RIN1: variants seen among roughly 807,000 people sequenced by gnomAD.
The protein encoded by RIN1 is ras inhibitor 1.
Under a neutral mutation model 64.9 loss-of-function variants are expected in RIN1, and 52 were observed. That is an observed-to-expected ratio of 0.80 (90% confidence interval 0.64 to 1.01). The LOEUF is 1.01. Ranked by LOEUF, RIN1 falls within the 50% of genes least tolerant of loss-of-function variation. The probability of loss-of-function intolerance (pLI) is 0.00; values close to 1 mark genes in which losing one functional copy is unlikely to be tolerated. For missense variants in RIN1, 1,040 were observed against 1,064.5 expected (o/e 0.98, Z 0.32); for synonymous variants, 486 against 483.6 (o/e 1.00, Z -0.06).
At chr11:66,334,279 G>T in intron 6 of RIN1, 55 bp from the exon 7 acceptor site, 1 of 1,354,796 alleles carries the variant, frequency 7.4e-7, no homozygotes, top group Non-Finnish European at 9.8e-7. Flanking sequence ...GGGGGCAGAG[G>T]CAAGGGGAGA....
At position 66,332,543 on chromosome 11, in the gene RIN1, G is replaced by A. The variant is rs1854761520; in HGVS notation, c.2085C>T (p.Thr695=). 5.0e-6 allele frequency: 8 copies of A among 1,613,340 alleles called. No homozygotes were observed. The East Asian group carries it at 1.6e-4, about 31-fold the overall frequency. The change falls in exon 10 of 10, where the codon ACC becomes ACT. Residue 695 remains threonine (T), a synonymous_variant. Transcript: ENST00000311320. ...CCCGGCGGTAGACGAGGTAGCCAGT[G>A]GTGGGCAGCCTGTGGGCCAGGGCCC... ...PPGALAHRLP[T]TGYLVYRRAE...
At position 66,336,119 on chromosome 11, in the gene RIN1, G is replaced by A. The variant is rs1198166166; in HGVS notation, c.126C>T (p.Ser42=). 26 of 1,440,838 alleles carry A rather than the reference G, an allele frequency of 1.8e-5. No individual in the cohort carries two copies. The highest frequency in any genetic ancestry group is 4.9e-4 in the Middle Eastern group (2 of 4,100). 89.3% of individuals were successfully genotyped at this position (1,440,838 alleles called of 1,614,324 possible). A position where few individuals can be genotyped will look rare whatever the true frequency, so the allele number is the denominator to read the frequency against. The change falls in exon 2 of 10, where the codon AGC becomes AGT. Residue 42 remains serine (S), a synonymous_variant. Coordinates refer to ENST00000311320, the MANE Select transcript of RIN1 (RefSeq NM_004292.3). ...QDPLYDVPNA[S]GGQAGGPQRP... ...GCTGCGGCCCGCCTGCCTGCCCGCC[G>A]CTGGCATTGGGCACGTCATACAGTG...
intron 4 of RIN1, 29 bp from the exon 5 acceptor site, chr11:66,335,527 G>A (rs1565202149): frequency 2.5e-6 from 4 of 1,613,078 alleles, no homozygotes; most frequent in East Asian, 2.2e-5. Flanking sequence ...GCAGAAGGGA[G>A]TGAGGGCCGA....
In RIN1 at chr11:66,332,176, G is replaced by T; in HGVS notation, c.*100C>A. ...CAAGTATCAGACAAAGGTGGTGGCA[G>T]ACACAGGACAGGGCCCTGGGTGGGG... On this transcript the variant is annotated 3_prime_UTR_variant, in exon 10 of 10. Coordinates refer to ENST00000311320, the MANE Select transcript of RIN1 (RefSeq NM_004292.3). 1 of 1,062,224 alleles carries T rather than the reference G, an allele frequency of 9.4e-7. No homozygotes were observed. Among genetic ancestry groups the T allele is most frequent in the South Asian group, 1.3e-5 (1 of 74,378 alleles). The allele number at this position is 1,062,224 out of a possible 1,614,324, so 65.8% of individuals were successfully genotyped here.
chr11:66,332,694 G>A lies in RIN1; in HGVS notation c.1934C>T (p.Ala645Val). 2 of 1,550,346 alleles carry A rather than the reference G, an allele frequency of 1.3e-6. No homozygotes were observed. Among genetic ancestry groups the A allele is most frequent in the South Asian group, 2.5e-5 (2 of 79,722 alleles). ...PSSGCTSKTL[A>V]VPPEASIATL... ...GGCAATCGAGGCTTCTGGGGGCACG[G>A]CCAGGGTCTTGGAGGTGCAGCCACT... The change falls in exon 10 of 10, where the codon GCC (alanine) becomes GTC (valine). Residue 645 changes from alanine (A) to valine (V), a missense_variant. Ala to Val is a moderately conservative substitution (Grantham distance 64). Transcript: ENST00000311320.
At position 66,334,130 on chromosome 11, in the gene RIN1, G is replaced by A; in HGVS notation, c.1380C>T (p.Gly460=). The A allele has an allele frequency of 1.3e-6, 2 of 1,544,730 alleles. No individual in the cohort carries two copies. The highest frequency in any genetic ancestry group is 1.7e-6 in the Non-Finnish European group (2 of 1,146,980). The change falls in exon 7 of 10, where the codon GGC becomes GGT. Residue 460 remains glycine, a synonymous_variant. Transcript: ENST00000311320. ...GGCCCTCAGCTAGGCGGCCCAGGGA[G>A]CCGTCTGCGGCAAGCCGGCGCCGCA... is the stretch of plus-strand genomic sequence containing the variant. ...ARLRRRLAAD[G]SLGRLAEGLR... is the part of the protein sequence containing the mutation.
chr11:66,334,443 G>A lies in RIN1; in HGVS notation c.1285+71C>T, dbSNP rs555975589. ...TAAAGCAGCAGAACAGAATCAGACAGGCTGGCGCTGTGGAGGGGAGCAGAG... is the reference window on the plus strand; with the variant it reads ...TAAAGCAGCAGAACAGAATCAGACAAGCTGGCGCTGTGGAGGGGAGCAGAG... On this transcript the variant is annotated intron_variant, in intron 6 of 9. Coordinates refer to ENST00000311320, the MANE Select transcript of RIN1 (RefSeq NM_004292.3). 6.7e-5 allele frequency: 104 copies of A among 1,550,890 alleles called. No homozygotes were observed. The South Asian group carries it at 1.2e-3, about 18-fold the overall frequency.
chr11:66,335,931 C>T (rs763596488), intron 2 of RIN1, 47 bp downstream of exon 2: 58 of 1,495,288 alleles, frequency 3.9e-5, no homozygotes, highest in Non-Finnish European at 4.8e-5. Flanking sequence ...ATCCCTCTCC[C>T]TCCCACCCCT....
rs1051115971 is a variant in RIN1, at chr11:66,332,905, C to T, written c.1876-153G>A. ...CCAAGCGGCAAAAGCTCTATGTGCT[C>T]CAGGGGTCGGCTTGTGGGCCACAGC... On this transcript the variant is annotated intron_variant, in intron 9 of 9. Transcript: ENST00000311320. 2.3e-5 allele frequency: 15 copies of T among 664,470 alleles called. No individual in the cohort carries two copies. In the African/African-American group the frequency reaches 2.5e-4, roughly 11 times the overall value. The allele number at this position is 664,470 out of a possible 1,614,324, so 41.2% of individuals were successfully genotyped here.
chr11:66,334,992 C>CACGGGG lies in RIN1; in HGVS notation c.801_806dup (p.Pro268_Val269dup), dbSNP rs1565201560. ...TCTGGCTGGGGACTGCCCCTGGCAG[C>CACGGGG]ACGGGGACGGGGGGAGGTGGCACGG... On this transcript the variant is annotated inframe_insertion, in exon 6 of 10. Transcript: ENST00000311320. 3 of 1,550,806 alleles carry CACGGGG rather than the reference C, an allele frequency of 1.9e-6. No individual in the cohort carries two copies. The highest frequency in any genetic ancestry group is 8.7e-7 in the Non-Finnish European group (1 of 1,149,940).
At position 66,330,578 on chromosome 11, in the gene RIN1, C is replaced by G. The variant is rs995247006; in HGVS notation, c.*1698G>C. On this transcript the variant is annotated 3_prime_UTR_variant, in exon 10 of 10. Transcript: ENST00000311320. ...GGTCGGGAGTTTGAGACCAGCCTGG[C>G]CAACATGGGGAAACCCCGTCTCTAC... 1 of 152,294 alleles carries G rather than the reference C, an allele frequency of 6.6e-6. No individual in the cohort carries two copies. The highest frequency in any genetic ancestry group is 1.5e-5 in the Non-Finnish European group (1 of 68,124). 9.4% of individuals were successfully genotyped at this position (152,294 alleles called of 1,614,324 possible). A position where few individuals can be genotyped will look rare whatever the true frequency, so the allele number is the denominator to read the frequency against.
At position 66,335,088 on chromosome 11, in the gene RIN1, C is replaced by T; in HGVS notation, c.711G>A (p.Lys237=). ...TGAAGCTTCTCTTGAATTTCTCCCG[C>T]TTGGTGGGCCCTAGGTCCCCCGGGA... The part of the protein sequence containing the change: ...PLFPGDLGPT[K]REKFKRSFKV... The change falls in exon 6 of 10, where the codon AAG becomes AAA. Residue 237 remains lysine, a synonymous_variant. Transcript: ENST00000311320. 1 of 1,527,098 alleles carries T rather than the reference C, an allele frequency of 6.5e-7. No individual in the cohort carries two copies. The highest frequency in any genetic ancestry group is 8.8e-7 in the Non-Finnish European group (1 of 1,139,422). The allele number at this position is 1,527,098 out of a possible 1,614,324, so 94.6% of individuals were successfully genotyped here. A position where few individuals can be genotyped will look rare whatever the true frequency, so the allele number is the denominator to read the frequency against.
intron 7 of RIN1, 101 bp downstream of exon 7, chr11:66,333,818 C>A: frequency 7.0e-7 from 1 of 1,419,500 alleles, no homozygotes; most frequent in South Asian, 1.5e-5. Context: ...TGGGCTCATT[C>A]TCTCCTGCAG....
In RIN1 at chr11:66,335,641, C is replaced by T; in HGVS notation, c.424G>A (p.Val142Ile). Residue 142 changes from valine to isoleucine, a missense_variant, in exon 4 of 10, where the codon GTC (valine) becomes ATC (isoleucine). By Grantham distance (29) the Val-to-Ile change is conservative (BLOSUM62 3). Transcript: ENST00000311320. ...TGGCAGTAGGCACAGATGAGCTGGA[C>T]TAGGTCTGGGAACATGAGCTCCGAG... ...EGSELMFPDL[V>I]QLICAYCHTR... 6.2e-7 allele frequency: 1 copy of T among 1,613,762 alleles called. No individual in the cohort carries two copies. The highest frequency in any genetic ancestry group is 1.6e-4 in the Middle Eastern group (1 of 6,062).
rs1590917713 is a variant in RIN1 at position 66,333,363 on chromosome 11, A to G, written c.1770T>C (p.Ser590=). ...GGAGGGTGTGGGCCTGACCCAGGCC[A>G]CTCAGCAGGGCCAGGCTGGCAGAGA... ...TSLSASLALL[S]GLGQAHTLPL... Residue 590 remains serine (S), a synonymous_variant, in exon 9 of 10, where the codon AGT becomes AGC. Coordinates refer to ENST00000311320, the MANE Select transcript of RIN1 (RefSeq NM_004292.3). 2 of 1,612,712 alleles carry G rather than the reference A, an allele frequency of 1.2e-6. No homozygotes were observed. Among genetic ancestry groups the G allele is most frequent in the East Asian group, 4.5e-5 (2 of 44,878 alleles).
At position 66,336,351 on chromosome 11, in the gene RIN1, A is replaced by G. The variant is rs1363962728; in HGVS notation, c.52T>C (p.Ser18Pro). The change falls in exon 1 of 10, where the codon TCC (serine) becomes CCC (proline). Residue 18 changes from serine (S) to proline (P), a missense_variant. Ser to Pro is a moderately conservative substitution (Grantham distance 74). Transcript: ENST00000311320. ...GCCAGGTGCCCAGTAGTGAAGCTGG[A>G]CGGGCTGGGGGCTCCAGGAGAGCCC... The part of the protein sequence containing the change: ...GAGSPGAPSP[S>P]SFTTGHLARE... The G allele has an allele frequency of 1.2e-6, 2 of 1,613,702 alleles. No homozygotes were observed. Among genetic ancestry groups the G allele is most frequent in the East Asian group, 4.5e-5 (2 of 44,874 alleles).
rs1354095821 is a variant in RIN1 at position 66,335,041 on chromosome 11, G to A, written c.758C>T (p.Thr253Ile). Reference protein sequence around the residue: ...RSFKVRVSTETSSPLSPPAVP... With the variant: ...RSFKVRVSTEISSPLSPPAVP... ...GGCAGGTGGAGACAGGGGGCTGGAGGTCTCTGTGGACACGCGCACTTTGAA... is the reference window on the plus strand; with the variant it reads ...GGCAGGTGGAGACAGGGGGCTGGAGATCTCTGTGGACACGCGCACTTTGAA... The change falls in exon 6 of 10, where the codon ACC (threonine) becomes ATC (isoleucine). Residue 253 changes from threonine to isoleucine, a missense_variant. Thr to Ile is a moderately conservative substitution (Grantham distance 89, BLOSUM62 -1). Transcript: ENST00000311320. 6.5e-7 allele frequency: 1 copy of A among 1,534,548 alleles called. No individual in the cohort carries two copies. Among genetic ancestry groups the A allele is most frequent in the Non-Finnish European group, 8.7e-7 (1 of 1,142,868 alleles).
At chr11:66,335,544 C>A (rs80130696) in intron 4 of RIN1, 46 bp from the exon 5 acceptor site, 1 of 1,612,262 alleles carries the variant, frequency 6.2e-7, no homozygotes, top group African/African-American at 1.3e-5. Flanking sequence ...CCGAAGAGGG[C>A]GGGAAGGATG....
upstream of RIN1, chr11:66,336,585 G>A (rs1854911595): frequency 6.5e-6 from 4 of 610,904 alleles, no homozygotes; most frequent in South Asian, 8.2e-5. Flanking sequence ...GGGGTCAGGG[G>A]TCCCCTCCAT....
Sources: allele counts gnomAD v4.1 joint callset, GRCh38; gene constraint gnomAD v4.1.1; transcripts MANE v1.5; gene names NCBI Gene and HGNC (gene_info 2026-07-23, HGNC 2026-07-21).